Variants in PTPRD observed in about 807,000 individuals in gnomAD.
The protein encoded by PTPRD is protein tyrosine phosphatase receptor type D.
A neutral mutation model predicts 214.5 loss-of-function variants in PTPRD; 34 were observed. The observed-to-expected ratio is 0.16, with a 90% CI of 0.12 to 0.21. The LOEUF (loss-of-function observed/expected upper bound fraction) is 0.21, where lower values mean the gene tolerates loss of function less well. Among genes scored for constraint, PTPRD ranks in the 10% least tolerant of loss-of-function variants. The pLI is 1.00. For missense variants in PTPRD, 2,545 were observed against 2,398.7 expected (o/e 1.06, Z -1.27); for synonymous variants, 1,128 against 845.7 (o/e 1.33, Z -5.79).
intron 14 of PTPRD, among the ~76,000 whole-genome samples, chr9:8,578,871 T>G (rs2092754819): frequency 6.6e-6 from 1 of 152,232 alleles, no homozygotes; most frequent in South Asian, 2.1e-4. Context: ...AAATTAGTAA[T>G]TTAAGTTATT....
intron 2 of PTPRD, among the ~76,000 whole-genome samples, chr9:10,578,112 G>T (rs1243041855): frequency 6.6e-6 from 1 of 151,996 alleles, no homozygotes; most frequent in East Asian, 1.9e-4. Flanking sequence ...GTTTCACCTT[G>T]TTGGTTAGGT....
At chr9:9,003,386 C>G (rs996953464) in intron 11 of PTPRD, among the ~76,000 whole-genome samples, 1 of 152,054 alleles carries the variant, frequency 6.6e-6, no homozygotes, top group Admixed American at 6.6e-5. Context: ...CAAAGCCTCC[C>G]TCTGCTGGCC....
intron 5 of PTPRD, among the ~76,000 whole-genome samples, chr9:9,907,960 G>T (rs1412831679): frequency 6.6e-6 from 1 of 151,856 alleles, no homozygotes; most frequent in Non-Finnish European, 1.5e-5. Context: ...TGAATTTAAT[G>T]TATTAATGTA....
In PTPRD at chr9:9,992,331, C is replaced by T. The variant is rs542770026; in HGVS notation, c.-472+41387G>A. ...AAAAATTCGTGGTAAAGAAAAATAACGTATTCTAGCTTATCAGTCATCATT... is the reference window on the plus strand; with the variant it reads ...AAAAATTCGTGGTAAAGAAAAATAATGTATTCTAGCTTATCAGTCATCATT... On this transcript the variant is annotated intron_variant, in intron 4 of 45. Transcript: ENST00000381196. 4.7e-4 allele frequency among the ~76,000 whole-genome samples: 72 copies of T among 152,270 alleles called. No individual in the cohort carries two copies. The South Asian group carries it at 0.014, about 29-fold the overall frequency.
chr9:9,717,189 T>C (rs2097850579), intron 7 of PTPRD, among the ~76,000 whole-genome samples: 1 of 152,206 alleles, frequency 6.6e-6, no homozygotes, highest in Non-Finnish European at 1.5e-5. Flanking sequence ...CTGAGGGCTC[T>C]GTTCTGTTCC....
chr9:8,392,425 C>T (rs1256408705), intron 36 of PTPRD, among the ~76,000 whole-genome samples: 1 of 151,990 alleles, frequency 6.6e-6, no homozygotes, highest in Non-Finnish European at 1.5e-5. Flanking sequence ...ACCTGGGAGC[C>T]TGAGGTAGGA....
At chr9:8,474,321 T>G (rs62534023) in intron 30 of PTPRD, among the ~76,000 whole-genome samples, 8,739 of 152,232 alleles carry the variant, frequency 0.057, 350 homozygotes, top group South Asian at 0.12. Context: ...GCGGGGTTCA[T>G]GGCCTTCTTT....
intron 11 of PTPRD, among the ~76,000 whole-genome samples, chr9:8,911,423 G>A (rs1225058476): frequency 6.6e-6 from 1 of 151,264 alleles, no homozygotes. Flanking sequence ...TGTTGTGTGT[G>A]TGTGTGTGTG....
intron 3 of PTPRD, among the ~76,000 whole-genome samples, chr9:10,109,009 G>T (rs916875827): frequency 2.0e-5 from 3 of 151,948 alleles, no homozygotes; most frequent in East Asian, 1.9e-4. Context: ...CATATCATTT[G>T]CACGTTCACA....
chr9:9,700,063 A>T (rs943974090), intron 7 of PTPRD, among the ~76,000 whole-genome samples: 1 of 152,180 alleles, frequency 6.6e-6, no homozygotes, highest in Non-Finnish European at 1.5e-5. Context: ...GAAATTCCTT[A>T]AATATGATGT....
At chr9:10,109,646 T>C (rs147269770) in intron 3 of PTPRD, among the ~76,000 whole-genome samples, 1,714 of 152,266 alleles carry the variant, frequency 0.011, 31 homozygotes, top group African/African-American at 0.039. Flanking sequence ...ACCCAAGTCA[T>C]ATTTAAGTGA....
Position 8,336,946 on chromosome 9 carries a change from C to T in PTPRD, c.5379+1976G>A, listed in dbSNP as rs182570076. On this transcript the variant is annotated intron_variant, in intron 43 of 45. Transcript: ENST00000381196. Reference sequence around the variant, plus strand: ...TGGCGATCATTAAAAAGTCAGGAAACAACAGATGCTGGGGAGGATGTGGAG... The same window carrying T: ...TGGCGATCATTAAAAAGTCAGGAAATAACAGATGCTGGGGAGGATGTGGAG... 5.9e-3 allele frequency among the ~76,000 whole-genome samples: 894 copies of T among 152,266 alleles called. 11 individuals are homozygous for T. Among genetic ancestry groups the T allele is most frequent in the African/African-American group, 0.021 (856 of 41,550 alleles).
intron 5 of PTPRD, among the ~76,000 whole-genome samples, chr9:9,861,993 G>A (rs1397227126): frequency 6.6e-6 from 1 of 152,060 alleles, no homozygotes; most frequent in Non-Finnish European, 1.5e-5. Context: ...ACAATGTGAT[G>A]GCCATCACTG....
At chr9:9,306,310 T>C (rs967621405) in intron 9 of PTPRD, among the ~76,000 whole-genome samples, 5 of 151,978 alleles carry the variant, frequency 3.3e-5, no homozygotes, top group Admixed American at 2.0e-4. Flanking sequence ...ACACCTGTAA[T>C]CTCAGCACTT....
chr9:10,267,853 G>A (rs371943750), intron 3 of PTPRD, among the ~76,000 whole-genome samples: 1 of 152,042 alleles, frequency 6.6e-6, no homozygotes, highest in African/African-American at 2.4e-5. Context: ...TCTATGCTCT[G>A]AGAAACTTAT....
chr9:8,553,504 G>T (rs117542642), intron 14 of PTPRD, among the ~76,000 whole-genome samples: 1 of 152,042 alleles, frequency 6.6e-6, no homozygotes, highest in Non-Finnish European at 1.5e-5. Flanking sequence ...TTTATCAGTC[G>T]TTTACTGGAC....
chr9:8,324,787 G>A (rs533295868), intron 44 of PTPRD, among the ~76,000 whole-genome samples: 6 of 152,036 alleles, frequency 3.9e-5, no homozygotes, highest in East Asian at 1.9e-4. Context: ...TTTAATGATC[G>A]ACATTCTAAT....
chr9:9,665,876 G>T (rs1301053379), intron 7 of PTPRD, among the ~76,000 whole-genome samples: 1 of 151,846 alleles, frequency 6.6e-6, no homozygotes, highest in African/African-American at 2.4e-5. Flanking sequence ...TTTGATTGAA[G>T]TGACATACCA....
At chr9:9,888,035 C>G (rs1010882757) in intron 5 of PTPRD, among the ~76,000 whole-genome samples, 4 of 152,036 alleles carry the variant, frequency 2.6e-5, no homozygotes, top group South Asian at 2.1e-4. Context: ...GAAACTGGCC[C>G]GTTAGCAAGG....
Sources: gnomAD v4.1 joint callset for allele counts (sites outside exome capture counted in the v4.1 genomes callset) on GRCh38, gnomAD v4.1.1 for gene constraint, MANE v1.5 for transcripts, NCBI Gene and HGNC (gene_info 2026-07-23, HGNC 2026-07-21) for gene names.